The following GSTT4 variants were observed in gnomAD, a reference collection of about 807,000 sequenced individuals.
The protein encoded by GSTT4 is glutathione S-transferase theta-4.
chr22:23,993,058 C>T, the GSTT4 span, among the ~76,000 whole-genome samples: 31 of 139,206 alleles, frequency 2.2e-4, no homozygotes, highest in Non-Finnish European at 4.5e-4. Context: ...TAGGTGTGAT[C>T]CACCACCCCT....
chr22:23,995,082 T>C (rs546860468), downstream of GSTT4, among the ~76,000 whole-genome samples: 2 of 152,278 alleles, frequency 1.3e-5, no homozygotes, highest in East Asian at 3.9e-4. Flanking sequence ...TCCTCCATGA[T>C]GTTTGTAGCT....
At chr22:24,003,027 G>A (rs932041189) in intron 2 of GSTT4, among the ~76,000 whole-genome samples, 4 of 152,230 alleles carry the variant, frequency 2.6e-5, no homozygotes, top group African/African-American at 9.6e-5. Flanking sequence ...GGAGTGCAGT[G>A]GCGCAATCAG....
chr22:23,998,001 A>C (rs620733), downstream of GSTT4, among the ~76,000 whole-genome samples: 373 of 152,216 alleles, frequency 2.5e-3, no homozygotes, highest in African/African-American at 8.2e-3. Flanking sequence ...CTTGATTTTT[A>C]ACTTTATTCC....
At chr22:24,003,428 T>A (rs1439346632) in intron 2 of GSTT4, among the ~76,000 whole-genome samples, 1 of 152,272 alleles carries the variant, frequency 6.6e-6, no homozygotes, top group Non-Finnish European at 1.5e-5. Flanking sequence ...TAGGCTAGGC[T>A]GGTCTTGAAC....
chr22:24,003,052 CTG>C (rs2034269389), intron 2 of GSTT4, among the ~76,000 whole-genome samples: 1 of 149,116 alleles, frequency 6.7e-6, no homozygotes, highest in Non-Finnish European at 1.5e-5. Context: ...CACTGCAGTT[CTG>C]AACTTCCTGG....
the GSTT4 span, among the ~76,000 whole-genome samples, chr22:23,991,935 C>T: frequency 6.9e-6 from 1 of 144,510 alleles, no homozygotes; most frequent in Non-Finnish European, 1.5e-5. Flanking sequence ...CGCCTGTAGT[C>T]CCAGCTACTC....
At chr22:23,990,367 T>G in the GSTT4 span, among the ~76,000 whole-genome samples, 1 of 111,910 alleles carries the variant, frequency 8.9e-6, no homozygotes, top group Admixed American at 1.0e-4. Flanking sequence ...CTCAACACTT[T>G]AGAAGGAGGA....
downstream of GSTT4, among the ~76,000 whole-genome samples, chr22:23,997,286 AG>A (rs2034125581): frequency 1.3e-5 from 2 of 151,992 alleles, no homozygotes; most frequent in Non-Finnish European, 2.9e-5. Flanking sequence ...GTGCAATCAT[AG>A]CTCGGTGTAA....
At chr22:24,002,607 G>T (rs1569040317) in intron 2 of GSTT4, among the ~76,000 whole-genome samples, 1 of 152,226 alleles carries the variant, frequency 6.6e-6, no homozygotes, top group Non-Finnish European at 1.5e-5. Flanking sequence ...GAGGCGGGGG[G>T]ATCATGGGGT....
downstream of GSTT4, among the ~76,000 whole-genome samples, chr22:23,997,824 A>C (rs5996649): frequency 0.34 from 39,850 of 117,124 alleles, 5,797 homozygotes; most frequent in African/African-American, 0.53. Context: ...TTGCTCTTAG[A>C]ACTGCTTCTG....
chr22:24,003,082 G>A (rs1036606426), intron 2 of GSTT4, among the ~76,000 whole-genome samples: 6 of 152,320 alleles, frequency 3.9e-5, no homozygotes, highest in South Asian at 2.1e-4. Context: ...CGATCCTCCC[G>A]TGTCAGCCTC....
chr22:23,992,514 A>G, the GSTT4 span, among the ~76,000 whole-genome samples: 3 of 150,080 alleles, frequency 2.0e-5, no homozygotes, highest in South Asian at 2.1e-4. Flanking sequence ...AAGGATGTGA[A>G]TAGCAGTGTC....
At chr22:23,992,564 G>C in the GSTT4 span, among the ~76,000 whole-genome samples, 4 of 151,146 alleles carry the variant, frequency 2.6e-5, no homozygotes, top group African/African-American at 9.8e-5. Context: ...CATGCACTTG[G>C]TTTAAAGCTT....
intron 2 of GSTT4, among the ~76,000 whole-genome samples, chr22:24,002,050 C>T (rs587740640): frequency 0.047 from 7,055 of 150,136 alleles, no homozygotes; most frequent in African/African-American, 0.17. Flanking sequence ...CAAGGTAAAT[C>T]TGAAGAAAAG....
chr22:24,004,786 C>T (rs956124346), intron 1 of GSTT4: 3 of 152,868 alleles, frequency 2.0e-5, no homozygotes, highest in Non-Finnish European at 4.4e-5. Flanking sequence ...GTAGGCTGGA[C>T]AAGGATGCAG....
intron 2 of GSTT4, among the ~76,000 whole-genome samples, chr22:24,002,223 C>G (rs1202708887): frequency 1.3e-5 from 2 of 152,228 alleles, no homozygotes; most frequent in African/African-American, 4.8e-5. Flanking sequence ...ATGAAAGGAT[C>G]CATCTCTCTG....
At chr22:23,991,781 G>A in the GSTT4 span, among the ~76,000 whole-genome samples, 7 of 141,742 alleles carry the variant, frequency 4.9e-5, no homozygotes, top group East Asian at 2.1e-4. Flanking sequence ...GAGGCTGGGC[G>A]CGGTGGCTCA....
chr22:23,995,606 A>C (rs1303966842), downstream of GSTT4, among the ~76,000 whole-genome samples: 4,243 of 83,036 alleles, frequency 0.051, no homozygotes, highest in Middle Eastern at 0.13. Flanking sequence ...TTTCTACATT[A>C]CAGATTTGGT....
downstream of GSTT4, among the ~76,000 whole-genome samples, chr22:23,997,625 T>C (rs1285697882): frequency 6.6e-6 from 1 of 152,182 alleles, no homozygotes; most frequent in Non-Finnish European, 1.5e-5. Flanking sequence ...GATCCAATTT[T>C]TGGTTTTATT....
Sources: allele counts gnomAD v4.1 joint callset (sites outside exome capture counted in the v4.1 genomes callset), GRCh38; gene constraint gnomAD v4.1.1; transcripts MANE v1.5; gene names NCBI Gene and HGNC (gene_info 2026-07-23, HGNC 2026-07-21).